Variants in RGS7BP observed in about 807,000 individuals in gnomAD.
The protein encoded by RGS7BP is regulator of G protein signaling 7-binding protein.
In RGS7BP, 9 loss-of-function variants were observed where a neutral mutation model predicts 31.3. That is an observed-to-expected ratio of 0.29 (90% confidence interval 0.17 to 0.50). RGS7BP has a LOEUF of 0.50. RGS7BP is among the 20% of genes least tolerant of loss of function. The pLI is 0.98. For synonymous variants in RGS7BP, 115 were observed against 120.1 expected, an observed-to-expected ratio of 0.96 and a Z score of 0.28; for missense variants, 274 against 322.0, an observed-to-expected ratio of 0.85 and a Z score of 1.14.
At chr5:64,545,290 C>T (rs1741628454) in intron 2 of RGS7BP, among the ~76,000 whole-genome samples, 2 of 151,530 alleles carry the variant, frequency 1.3e-5, no homozygotes, top group Admixed American at 1.3e-4. Context: ...GGAGGGATAG[C>T]ATTAGGAGAC....
At position 64,609,276 on chromosome 5, in the gene RGS7BP, G is replaced by A; in HGVS notation, c.*24G>A. ...AGGTGGCTCCTCCTGGAAACCCACT[G>A]AGAACATCTGAAAAAAAATCACAAA... is the stretch of plus-strand genomic sequence containing the variant. On this transcript the variant is annotated 3_prime_UTR_variant, in exon 6 of 6. Coordinates refer to ENST00000334025, the MANE Select transcript of RGS7BP (RefSeq NM_001029875.3). The A allele has an allele frequency of 6.0e-6, 8 of 1,339,770 alleles. No individual in the cohort carries two copies. The highest frequency in any genetic ancestry group is 7.5e-6 in the Non-Finnish European group (7 of 929,752). The allele number at this position is 1,339,770 out of a possible 1,614,324, so 83.0% of individuals were successfully genotyped here.
intron 2 of RGS7BP, among the ~76,000 whole-genome samples, chr5:64,563,500 G>C (rs2111868612): frequency 6.6e-6 from 1 of 152,266 alleles, no homozygotes; most frequent in East Asian, 1.9e-4. Flanking sequence ...CACACACAGA[G>C]AAAGCTCTGT....
intron 2 of RGS7BP, among the ~76,000 whole-genome samples, chr5:64,527,369 T>C (rs1030406018): frequency 2.6e-5 from 4 of 152,162 alleles, no homozygotes; most frequent in Non-Finnish European, 5.9e-5. Flanking sequence ...GGACATGATA[T>C]ATTTTTAAAT....
intron 3 of RGS7BP, among the ~76,000 whole-genome samples, chr5:64,582,813 G>C (rs1239919836): frequency 1.3e-5 from 2 of 152,114 alleles, no homozygotes; most frequent in Non-Finnish European, 2.9e-5. Context: ...AAAAACTCCA[G>C]TGTATTCAGC....
chr5:64,591,902 A>C (rs1447869532), intron 3 of RGS7BP, among the ~76,000 whole-genome samples: 2 of 152,186 alleles, frequency 1.3e-5, no homozygotes, highest in Admixed American at 1.3e-4. Flanking sequence ...GAATTGAAGA[A>C]AACAGATAAA....
At chr5:64,538,523 C>CTTTTTT (rs1164822329) in intron 2 of RGS7BP, among the ~76,000 whole-genome samples, 3 of 27,472 alleles carry the variant, frequency 1.1e-4, no homozygotes, top group Non-Finnish European at 2.1e-4. Context: ...TTTTCCTTTT[C>CTTTTTT]TTTTCTTTTT....
Position 64,594,861 on chromosome 5 carries a change from A to C in RGS7BP, c.611+4A>C. The C allele has an allele frequency of 1.9e-6, 3 of 1,613,530 alleles. No individual in the cohort carries two copies. The highest frequency in any genetic ancestry group is 2.5e-6 in the Non-Finnish European group (3 of 1,179,648). The stretch of plus-strand genomic sequence containing the variant: ...CAGACATTGAGAACACTGAAAGGTA[A>C]GTGGGAAGTTACCCTGAATAGACTG... On this transcript the variant is annotated splice_donor_region_variant and intron_variant, in intron 4 of 5. Transcript: ENST00000334025.
chr5:64,571,686 C>G (rs973940348), intron 2 of RGS7BP, among the ~76,000 whole-genome samples: 51 of 152,212 alleles, frequency 3.4e-4, no homozygotes, highest in Middle Eastern at 3.4e-3. Flanking sequence ...TTTCCATTAT[C>G]AAGAGGCAAC....
rs1043862914 is a variant in RGS7BP at position 64,506,638 on chromosome 5, C to T, written c.14C>T (p.Pro5Leu). Residue 5 changes from proline to leucine, a missense_variant, in exon 1 of 6, where the codon CCG becomes CTG. Around this residue, in one of 3 missense-constraint regions of RGS7BP, gnomAD observed 149 missense variants for 152.6 expected, o/e 0.98. Transcript: ENST00000334025. This position sits in a 1 kb window ranked among gnomAD's most constrained non-coding sequence, Gnocchi z 4.6. MSSA[P>L]NGRKKRPSRS... ...GGATGTGTATGCATGAGTTCTGCAC[C>T]GAATGGGCGCAAAAAGCGCCCCAGC... is the stretch of plus-strand genomic sequence containing the variant. The T allele has an allele frequency of 5.0e-6, 8 of 1,610,420 alleles. No homozygotes were observed. Among genetic ancestry groups the T allele is most frequent in the Non-Finnish European group, 6.8e-6 (8 of 1,178,080 alleles).
At chr5:64,553,920 G>C (rs1741858159) in intron 2 of RGS7BP, among the ~76,000 whole-genome samples, 1 of 152,174 alleles carries the variant, frequency 6.6e-6, no homozygotes, top group South Asian at 2.1e-4. Flanking sequence ...AGGCAGCATG[G>C]TCTGATACTA....
At chr5:64,521,995 A>G (rs1380891548) in intron 2 of RGS7BP, among the ~76,000 whole-genome samples, 2 of 152,210 alleles carry the variant, frequency 1.3e-5, no homozygotes, top group African/African-American at 4.8e-5. Context: ...ATTAACTTCT[A>G]CAAAAATCTA....
intron 2 of RGS7BP, among the ~76,000 whole-genome samples, chr5:64,513,377 G>A (rs773107871): frequency 1.3e-5 from 2 of 151,884 alleles, no homozygotes; most frequent in East Asian, 1.9e-4. Flanking sequence ...TTTCTGGGGG[G>A]GTTGGGGTGG....
intron 5 of RGS7BP, among the ~76,000 whole-genome samples, chr5:64,607,547 C>G (rs928455480): frequency 2.6e-5 from 4 of 151,946 alleles, no homozygotes; most frequent in African/African-American, 4.8e-5. Context: ...ATCTAAAGAC[C>G]GGGAAGCAAC....
Position 64,556,417 on chromosome 5 carries a change from CCACACACA to C in RGS7BP, c.333-19320_333-19313del, listed in dbSNP as rs10624566. 1.8e-3 allele frequency among the ~76,000 whole-genome samples: 227 copies of C among 125,420 alleles called. 2 individuals carry two copies. Among genetic ancestry groups the C allele is most frequent in the African/African-American group, 4.2e-3 (140 of 33,440 alleles). 82.3% of individuals were successfully genotyped at this position (125,420 alleles called of 152,430 possible). A position where few individuals can be genotyped will look rare whatever the true frequency, so the allele number is the denominator to read the frequency against. On this transcript the variant is annotated intron_variant, in intron 2 of 5. Coordinates refer to ENST00000334025, the MANE Select transcript of RGS7BP (RefSeq NM_001029875.3). ...AAAAAAAAAAAGCAATCTTCCCCAG[CCACACACA>C]CACACACACACACACACACACACAC... is the stretch of plus-strand genomic sequence containing the variant.
chr5:64,570,795 G>A (rs968036302), intron 2 of RGS7BP, among the ~76,000 whole-genome samples: 2 of 152,020 alleles, frequency 1.3e-5, no homozygotes, highest in East Asian at 1.9e-4. Context: ...AACATTTTAC[G>A]ATATTTGCTT....
chr5:64,565,284 C>T (rs1742142869), intron 2 of RGS7BP, among the ~76,000 whole-genome samples: 1 of 151,914 alleles, frequency 6.6e-6, no homozygotes, highest in Admixed American at 6.6e-5. Context: ...AAAGTGAACT[C>T]CAGTGTAATA....
chr5:64,542,092 G>A (rs1741540770), intron 2 of RGS7BP, among the ~76,000 whole-genome samples: 1 of 152,144 alleles, frequency 6.6e-6, no homozygotes, highest in Non-Finnish European at 1.5e-5. Flanking sequence ...GTTCTGACAT[G>A]CTGCATTTGC....
At chr5:64,513,099 T>A (rs1033222594) in intron 2 of RGS7BP, among the ~76,000 whole-genome samples, 1 of 152,200 alleles carries the variant, frequency 6.6e-6, no homozygotes, top group African/African-American at 2.4e-5. Context: ...AACTGAGCTA[T>A]GAAAAAATAA....
chr5:64,512,665 C>T (rs1255661518), intron 2 of RGS7BP, among the ~76,000 whole-genome samples: 1 of 152,118 alleles, frequency 6.6e-6, no homozygotes, highest in Non-Finnish European at 1.5e-5. Flanking sequence ...TGCCGAGATA[C>T]ATTTATATAA....
Sources: allele counts gnomAD v4.1 joint callset (sites outside exome capture counted in the v4.1 genomes callset), GRCh38; gene constraint gnomAD v4.1.1; regional missense constraint gnomAD v4.1.1; non-coding constraint Gnocchi (gnomAD v3.1); transcripts MANE v1.5; gene names NCBI Gene and HGNC (gene_info 2026-07-23, HGNC 2026-07-21).